FHIT: variants seen among roughly 807,000 people sequenced by gnomAD.
FHIT encodes the protein bis(5'-adenosyl)-triphosphatase.
A neutral mutation model predicts 17.9 loss-of-function variants in FHIT; 19 were observed. The ratio of observed to expected loss-of-function variants is 1.06; its 90% CI spans 0.74 to 1.56. The LOEUF (loss-of-function observed/expected upper bound fraction) is 1.56. FHIT is among the 40% of genes most tolerant of loss of function. The pLI is 0.00. For synonymous variants in FHIT, 81 were observed against 69.7 expected (o/e 1.16, Z -0.81); for missense variants, 248 against 189.2 (o/e 1.31, Z -1.82).
intron 8 of FHIT, among the ~76,000 whole-genome samples, chr3:59,884,586 A>G (rs1428358905): frequency 6.6e-6 from 1 of 152,188 alleles, no homozygotes; most frequent in Non-Finnish European, 1.5e-5. Context: ...AAAGTTATTT[A>G]TTTGGCTATA....
chr3:60,047,190 A>T (rs975999181), intron 5 of FHIT, among the ~76,000 whole-genome samples: 4 of 152,240 alleles, frequency 2.6e-5, no homozygotes, highest in African/African-American at 9.6e-5. Flanking sequence ...TGTGAGGGCT[A>T]TTTCCATCCT....
At chr3:59,889,979 C>G (rs956228624) in intron 8 of FHIT, among the ~76,000 whole-genome samples, 1 of 152,100 alleles carries the variant, frequency 6.6e-6, no homozygotes, top group Non-Finnish European at 1.5e-5. Flanking sequence ...TGAAAACTTT[C>G]CTTAGAATCT....
chr3:60,769,802 T>C (rs915963571), intron 4 of FHIT, among the ~76,000 whole-genome samples: 9 of 152,238 alleles, frequency 5.9e-5, no homozygotes, highest in African/African-American at 1.9e-4. Flanking sequence ...ACTTAGGTTT[T>C]CAATTTTGTC....
At chr3:60,430,685 T>C (rs750952147) in intron 5 of FHIT, among the ~76,000 whole-genome samples, 2 of 152,118 alleles carry the variant, frequency 1.3e-5, no homozygotes, top group African/African-American at 2.4e-5. Context: ...TCTGCACTTA[T>C]CTCCATCAAG....
chr3:59,943,791 C>T (rs1559485695), intron 7 of FHIT, among the ~76,000 whole-genome samples: 1 of 152,182 alleles, frequency 6.6e-6, no homozygotes, highest in Non-Finnish European at 1.5e-5. Context: ...AAGCCAAAGG[C>T]AGCTTAAGGG....
At chr3:61,009,305 T>G (rs2031656089) in intron 3 of FHIT, among the ~76,000 whole-genome samples, 1 of 152,184 alleles carries the variant, frequency 6.6e-6, no homozygotes, top group Non-Finnish European at 1.5e-5. Flanking sequence ...TTCTCTTTCT[T>G]TTGGGTTCCC....
intron 8 of FHIT, among the ~76,000 whole-genome samples, chr3:59,870,846 T>C (rs1265687850): frequency 6.8e-6 from 1 of 147,394 alleles, no homozygotes; most frequent in Admixed American, 7.1e-5. Flanking sequence ...AAATCATCCA[T>C]AGTAAAGGGC....
chr3:59,944,996 A>G (rs1706728850), intron 7 of FHIT, among the ~76,000 whole-genome samples: 1 of 152,132 alleles, frequency 6.6e-6, no homozygotes, highest in Admixed American at 6.5e-5. Context: ...ATGTCTATGT[A>G]TGTGTCTTTA....
At chr3:60,790,446 A>C (rs537671215) in intron 4 of FHIT, among the ~76,000 whole-genome samples, 1 of 152,318 alleles carries the variant, frequency 6.6e-6, no homozygotes, top group East Asian at 1.9e-4. Context: ...TAAATTTTCA[A>C]CTCTTCCAAA....
intron 4 of FHIT, among the ~76,000 whole-genome samples, chr3:60,670,392 A>C (rs1275900513): frequency 6.6e-6 from 1 of 152,118 alleles, no homozygotes; most frequent in Non-Finnish European, 1.5e-5. Flanking sequence ...TTTACTGGGG[A>C]CTTGGGATAA....
At chr3:60,559,369 A>G (rs530322047) in intron 4 of FHIT, among the ~76,000 whole-genome samples, 92 of 152,360 alleles carry the variant, frequency 6.0e-4, no homozygotes, top group African/African-American at 2.2e-3. Context: ...AGTGTCACAG[A>G]GAACAAGTGA....
At chr3:60,995,290 A>T (rs1432402899) in intron 3 of FHIT, among the ~76,000 whole-genome samples, 2 of 152,154 alleles carry the variant, frequency 1.3e-5, no homozygotes, top group Non-Finnish European at 2.9e-5. Flanking sequence ...ACTGCACTCC[A>T]GCCTGGGGGA....
chr3:61,067,684 C>A (rs924018071), intron 2 of FHIT, among the ~76,000 whole-genome samples: 1 of 152,148 alleles, frequency 6.6e-6, no homozygotes, highest in Non-Finnish European at 1.5e-5. Flanking sequence ...AACTATCTGG[C>A]AAGACCCACA....
intron 5 of FHIT, among the ~76,000 whole-genome samples, chr3:60,411,113 T>A (rs937474369): frequency 2.0e-5 from 3 of 152,144 alleles, no homozygotes; most frequent in African/African-American, 7.2e-5. Flanking sequence ...ACATAAAGGA[T>A]TTCTGTCTGC....
At chr3:61,083,671 A>G (rs768428603) in intron 2 of FHIT, among the ~76,000 whole-genome samples, 9 of 152,144 alleles carry the variant, frequency 5.9e-5, no homozygotes, top group Non-Finnish European at 1.3e-4. Flanking sequence ...CTAAACTCTA[A>G]CCAACCACTC....
rs1361729801 is a variant in FHIT, at chr3:60,206,165, A to T, written c.104-192013T>A. On this transcript the variant is annotated intron_variant, in intron 5 of 9. Transcript: ENST00000492590. Reference sequence around the variant, plus strand: ...AAAAAAAATAAATAATAATAATAATAATAATAATTATAACACTTAAAAATG... The same window carrying T: ...AAAAAAAATAAATAATAATAATAATTATAATAATTATAACACTTAAAAATG... 7.7e-3 allele frequency among the ~76,000 whole-genome samples: 896 copies of T among 115,738 alleles called. 21 individuals carry two copies. Among genetic ancestry groups the T allele is most frequent in the African/African-American group, 0.027 (782 of 28,722 alleles). 75.9% of individuals were successfully genotyped at this position (115,738 alleles called of 152,430 possible).
chr3:60,973,662 A>G (rs1376154157), intron 3 of FHIT, among the ~76,000 whole-genome samples: 1 of 152,208 alleles, frequency 6.6e-6, no homozygotes, highest in Non-Finnish European at 1.5e-5. Flanking sequence ...AATATTTTAA[A>G]AGCTGGTCAC....
intron 5 of FHIT, among the ~76,000 whole-genome samples, chr3:60,204,454 T>TTG (rs1553711711): frequency 0.051 from 3,982 of 77,426 alleles, 190 homozygotes; most frequent in African/African-American, 0.17. Flanking sequence ...GTTTTTTTTT[T>TTG]TTTGTTTTGT....
In FHIT at chr3:60,467,938, T is replaced by C. The variant is rs2032887886; in HGVS notation, c.103+68922A>G. On this transcript the variant is annotated intron_variant, in intron 5 of 9. Coordinates refer to ENST00000492590, the MANE Select transcript of FHIT (RefSeq NM_002012.4). The stretch of plus-strand genomic sequence containing the variant: ...CAGCTATTATTGTATTGGGGTCTTA[T>C]CTAATAATAACTTTACATAACATAT... Among the ~76,000 whole-genome samples the C allele has an allele frequency of 2.0e-5, 3 of 151,958 alleles. No individual in the cohort carries two copies. In the South Asian group the frequency reaches 6.2e-4, roughly 32 times the overall value.
Sources: allele counts gnomAD v4.1 joint callset (sites outside exome capture counted in the v4.1 genomes callset), GRCh38; gene constraint gnomAD v4.1.1; transcripts MANE v1.5; gene names NCBI Gene and HGNC (gene_info 2026-07-23, HGNC 2026-07-21).